Variants in KDELR1 observed in about 807,000 individuals in gnomAD.
KDELR1 encodes ER lumen protein-retaining receptor 1.
Under a neutral mutation model 25.5 loss-of-function variants are expected in KDELR1, and 16 were observed. The observed-to-expected ratio is 0.63, with a 90% CI of 0.43 to 0.95. KDELR1 has a LOEUF of 0.95. Ranked by LOEUF, KDELR1 falls within the 40% of genes least tolerant of loss-of-function variation. The pLI is 0.00. For missense variants in KDELR1, 159 were observed against 265.2 expected, an observed-to-expected ratio of 0.60 and a Z score of 2.78; for synonymous variants, 121 against 115.0, an observed-to-expected ratio of 1.05 and a Z score of -0.33.
At position 48,390,563 on chromosome 19, in the gene KDELR1, C is replaced by CAG. The variant is rs575099358; in HGVS notation, c.92-41_92-40dup. 559 of 979,226 alleles carry CAG rather than the reference C, an allele frequency of 5.7e-4. 1 individual carries two copies. Among genetic ancestry groups the CAG allele is most frequent in the African/African-American group, 8.7e-4 (50 of 57,692 alleles). The allele number at this position is 979,226 out of a possible 1,614,324, so 60.7% of individuals were successfully genotyped here. A position where few individuals can be genotyped will look rare whatever the true frequency, so the allele number is the denominator to read the frequency against. Reference sequence around the variant, plus strand: ...ACAGAGAAAGAGAGAGAGAGAGAGACAGAGAGAGAGAGAGAGACAGACAGA... The same window carrying CAG: ...ACAGAGAAAGAGAGAGAGAGAGAGACAGAGAGAGAGAGAGAGAGACAGACAGA... On this transcript the variant is annotated intron_variant, in intron 1 of 4. Transcript: ENST00000330720.
chr19:48,392,656 T>G (rs1970572734), upstream of KDELR1, among the ~76,000 whole-genome samples: 1 of 152,128 alleles, frequency 6.6e-6, no homozygotes, highest in African/African-American at 2.4e-5. Flanking sequence ...TCCCAGACCT[T>G]GAGGATGAAG....
upstream of KDELR1, among the ~76,000 whole-genome samples, chr19:48,395,673 G>A (rs980025165): frequency 2.6e-5 from 4 of 152,012 alleles, no homozygotes; most frequent in South Asian, 6.2e-4. Flanking sequence ...CCTCCTCCCC[G>A]CTTGGGGACA....
chr19:48,396,652 A>G, the KDELR1 span, among the ~76,000 whole-genome samples: 6 of 151,990 alleles, frequency 3.9e-5, no homozygotes, highest in African/African-American at 1.5e-4. Context: ...AGGGATGGGC[A>G]TACTAGGAGC....
Position 48,389,628 on chromosome 19 carries a change from C to T in KDELR1, c.276G>A (p.Thr92=), listed in dbSNP as rs761549451. ...FKATYDGNHD[T]FRVEFLVVPT... ...GAACGACCAGGAACTCCACTCTGAA[C>T]GTGTCATGGTTCCCATCGTAAGTAG... Residue 92 remains threonine, a synonymous_variant, in exon 3 of 5, where the codon ACG becomes ACA. Transcript: ENST00000330720. 22 of 1,613,988 alleles carry T rather than the reference C, an allele frequency of 1.4e-5. No individual in the cohort carries two copies. The highest frequency in any genetic ancestry group is 6.7e-5 in the Admixed American group (4 of 59,998).
At position 48,391,523 on chromosome 19, in the gene KDELR1, G is replaced by A; in HGVS notation, c.-165C>T. On this transcript the variant is annotated 5_prime_UTR_variant, in exon 1 of 5. Transcript: ENST00000330720. ...ACTTTGGGAGGGGGAGCAAAGGCTG[G>A]AGCTGGCGGCGGAGCTGGAGCCGGG... 1.6e-6 allele frequency: 1 copy of A among 608,076 alleles called. No homozygotes were observed. Among genetic ancestry groups the A allele is most frequent in the Non-Finnish European group, 2.9e-6 (1 of 342,242 alleles). 37.7% of individuals were successfully genotyped at this position (608,076 alleles called of 1,614,324 possible). A position where few individuals can be genotyped will look rare whatever the true frequency, so the allele number is the denominator to read the frequency against.
At chr19:48,386,447 A>ATTT (rs377642574) in intron 3 of KDELR1, among the ~76,000 whole-genome samples, 17 of 111,480 alleles carry the variant, frequency 1.5e-4, no homozygotes, top group African/African-American at 4.6e-4. Context: ...TGCTGTTTGA[A>ATTT]TTTTTTTTTT....
At chr19:48,388,804 A>G (rs1247795636) in intron 3 of KDELR1, among the ~76,000 whole-genome samples, 2 of 150,722 alleles carry the variant, frequency 1.3e-5, no homozygotes, top group Non-Finnish European at 3.0e-5. Flanking sequence ...AAAGAGAAAG[A>G]AAGGAAGGAA....
intron 4 of KDELR1, among the ~76,000 whole-genome samples, chr19:48,383,578 A>T (rs1243217965): frequency 6.6e-6 from 1 of 152,096 alleles, no homozygotes; most frequent in African/African-American, 2.4e-5. Flanking sequence ...TGGCATAGTC[A>T]CAGCTCCATG....
In KDELR1 at chr19:48,391,395, G is replaced by C; in HGVS notation, c.-37C>G. 1 of 1,517,632 alleles carries C rather than the reference G, an allele frequency of 6.6e-7. No individual in the cohort carries two copies. The highest frequency in any genetic ancestry group is 9.0e-7 in the Non-Finnish European group (1 of 1,117,014). The allele number at this position is 1,517,632 out of a possible 1,614,324, so 94.0% of individuals were successfully genotyped here. A position where few individuals can be genotyped will look rare whatever the true frequency, so the allele number is the denominator to read the frequency against. On this transcript the variant is annotated 5_prime_UTR_variant, in exon 1 of 5. Transcript: ENST00000330720. Reference sequence around the variant, plus strand: ...CCTGGCAGGGCTGAGCGGGAGGGAGGCAGGCTGGCGGGGGGGTGCCCCCCG... The same window carrying C: ...CCTGGCAGGGCTGAGCGGGAGGGAGCCAGGCTGGCGGGGGGGTGCCCCCCG...
At chr19:48,390,547 G>GAGAGAGAGAGAC in intron 1 of KDELR1, 23 bp from the exon 2 acceptor site, 1 of 958,364 alleles carries the variant, frequency 1.0e-6, no homozygotes, top group Non-Finnish European at 1.5e-6. Context: ...GACAGAGAAA[G>GAGAGAGAGAGAC]AGAGAGAGAG....
At chr19:48,397,011 G>A in the KDELR1 span, among the ~76,000 whole-genome samples, 7,982 of 152,202 alleles carry the variant, frequency 0.052, 247 homozygotes, top group Middle Eastern at 0.099. Context: ...CAGGCGGCTA[G>A]TATTCAACAG....
chr19:48,389,414 C>G, intron 3 of KDELR1, 139 bp downstream of exon 3: 1 of 891,812 alleles, frequency 1.1e-6, no homozygotes, highest in Non-Finnish European at 1.8e-6. Context: ...GACCCCAGAG[C>G]CCATGCACTG....
At chr19:48,396,866 T>C in the KDELR1 span, among the ~76,000 whole-genome samples, 1 of 152,022 alleles carries the variant, frequency 6.6e-6, no homozygotes. Flanking sequence ...CTTCCTTGTC[T>C]GGACCCTCAC....
chr19:48,394,010 G>A (rs1011214711), upstream of KDELR1, among the ~76,000 whole-genome samples: 10 of 152,098 alleles, frequency 6.6e-5, no homozygotes, highest in Non-Finnish European at 1.5e-4. The surrounding 1 kb of genome is among the most constrained non-coding windows in gnomAD (Gnocchi z 5.1). Flanking sequence ...TGGGGCTCCC[G>A]CTCCTTCCCC....
the KDELR1 span, among the ~76,000 whole-genome samples, chr19:48,396,620 C>T: frequency 1.3e-5 from 2 of 151,668 alleles, no homozygotes; most frequent in Admixed American, 1.3e-4. Flanking sequence ...AAAGGAGGAG[C>T]GAAGAGAAGC....
At chr19:48,395,238 C>T (rs1348497150), upstream of KDELR1, among the ~76,000 whole-genome samples, 3 of 151,824 alleles carry the variant, frequency 2.0e-5, no homozygotes, top group Non-Finnish European at 4.4e-5. Flanking sequence ...GCCTCCATCT[C>T]TCTATCTCAC....
upstream of KDELR1, among the ~76,000 whole-genome samples, chr19:48,394,489 G>A (rs1288916683): frequency 6.7e-6 from 1 of 149,680 alleles, no homozygotes. This position sits in a 1 kb window ranked among gnomAD's most constrained non-coding sequence, Gnocchi z 5.1. Flanking sequence ...AAGCGGGGGT[G>A]CGAGTGAGCC....
In KDELR1 at chr19:48,385,771, C is replaced by T. The variant is rs550676397; in HGVS notation, c.352-1289G>A. Among the ~76,000 whole-genome samples the T allele has an allele frequency of 4.5e-4, 68 of 152,324 alleles. 1 individual carries two copies. The highest frequency in any genetic ancestry group is 1.5e-3 in the African/African-American group (61 of 41,570). On this transcript the variant is annotated intron_variant, in intron 3 of 4. Transcript: ENST00000330720. The stretch of plus-strand genomic sequence containing the variant: ...CAGGACCTATTCATAACAACTCATG[C>T]TTTTCTAGCATTTACGACATCCAAG...
Position 48,382,784 on chromosome 19 carries a change from T to G in KDELR1, c.*509A>C, listed in dbSNP as rs1417141435. ...CTATGAAAAAAAATCAGGGGAGACC[T>G]TCCTGGGCCTCCCTTTCTCCCTATC... On this transcript the variant is annotated 3_prime_UTR_variant, in exon 5 of 5. Coordinates refer to ENST00000330720, the MANE Select transcript of KDELR1 (RefSeq NM_006801.3). 1 of 153,040 alleles carries G rather than the reference T, an allele frequency of 6.5e-6. No homozygotes were observed. Among genetic ancestry groups the G allele is most frequent in the Non-Finnish European group, 1.5e-5 (1 of 68,394 alleles). 9.5% of individuals were successfully genotyped at this position (153,040 alleles called of 1,614,324 possible).
Sources: allele counts gnomAD v4.1 joint callset (sites outside exome capture counted in the v4.1 genomes callset), GRCh38; gene constraint gnomAD v4.1.1; non-coding constraint Gnocchi (gnomAD v3.1); transcripts MANE v1.5; gene names NCBI Gene and HGNC (gene_info 2026-07-23, HGNC 2026-07-21).